CDON: variants seen among roughly 807,000 people sequenced by gnomAD.
The protein encoded by CDON is cell adhesion molecule-related/down-regulated by oncogenes.
CDON carries 73 observed loss-of-function variants against 120.9 expected under a neutral mutation model. The ratio of observed to expected loss-of-function variants is 0.60; its 90% CI spans 0.50 to 0.73. The LOEUF is 0.73. Ranked by LOEUF, CDON falls within the 30% of genes least tolerant of loss-of-function variation. The pLI, the probability that CDON is intolerant of heterozygous loss-of-function variation, is 0.00. For missense variants in CDON, 1,470 were observed against 1,587.3 expected, an observed-to-expected ratio of 0.93 and a Z score of 1.26; for synonymous variants, 566 against 573.5, an observed-to-expected ratio of 0.99 and a Z score of 0.19.
chr11:126,015,661 G>GA (rs1220606408), intron 6 of CDON, 151 bp from the exon 7 acceptor site: 3 of 814,362 alleles, frequency 3.7e-6, no homozygotes, highest in Non-Finnish European at 5.9e-6. Flanking sequence ...TGGTAATCAA[G>GA]AAAAAAATTA....
intron 16 of CDON, among the ~76,000 whole-genome samples, chr11:125,982,046 T>C (rs1315669): frequency 0.29 from 39,282 of 133,856 alleles, 5,807 homozygotes; most frequent in African/African-American, 0.38. Context: ...TGCAATGGCG[T>C]GATCTTGGCT....
At chr11:126,041,430 C>G (rs946369586) in intron 1 of CDON, among the ~76,000 whole-genome samples, 1 of 152,132 alleles carries the variant, frequency 6.6e-6, no homozygotes, top group Admixed American at 6.5e-5. Context: ...AAAACAAACA[C>G]AACAGACTCT....
At chr11:126,046,831 CTATT>C (rs992646683) in intron 1 of CDON, among the ~76,000 whole-genome samples, 10 of 152,314 alleles carry the variant, frequency 6.6e-5, no homozygotes, top group African/African-American at 1.7e-4. Context: ...CACTTCTACT[CTATT>C]TCTTTCTGTG....
rs1011678737 is a variant in CDON, at chr11:126,023,327, G to T, written c.76+74C>A. The T allele has an allele frequency of 5.4e-6, 5 of 923,064 alleles. No individual in the cohort carries two copies. In the East Asian group the frequency reaches 7.2e-5, roughly 13 times the overall value. 57.2% of individuals were successfully genotyped at this position (923,064 alleles called of 1,614,324 possible). ...GATAGCACCATTATCACAAAGCATT[G>T]AAGTACAAATTTATGTTTTATAGGA... On this transcript the variant is annotated intron_variant, in intron 2 of 19. Coordinates refer to ENST00000531738, the MANE Select transcript of CDON (RefSeq NM_001378964.1).
intron 11 of CDON, among the ~76,000 whole-genome samples, chr11:126,000,224 T>C (rs1044068858): frequency 6.7e-6 from 1 of 149,172 alleles, no homozygotes; most frequent in Non-Finnish European, 1.5e-5. Context: ...TTTAAAAAAA[T>C]AGAAACAGGA....
At chr11:126,059,342 G>A in intron 1 of CDON, among the ~76,000 whole-genome samples, 1 of 152,196 alleles carries the variant, frequency 6.6e-6, no homozygotes, top group East Asian at 1.9e-4. Context: ...CTGTAGTCCT[G>A]CTTGTAATAA....
In CDON at chr11:126,003,108, T is replaced by C. The variant is rs537435676; in HGVS notation, c.2026+794A>G. ...CCATATACTTCCTGTATCCACCCCC[T>C]AACTTATATCTCTGTTAACACCTTC... On this transcript the variant is annotated intron_variant, in intron 10 of 19. Transcript: ENST00000531738. Among the ~76,000 whole-genome samples, 3 of 152,298 alleles carry C rather than the reference T, an allele frequency of 2.0e-5. No individual in the cohort carries two copies. The South Asian group carries it at 6.2e-4, about 32-fold the overall frequency.
At chr11:125,998,063 T>G (rs1282080462) in intron 11 of CDON, among the ~76,000 whole-genome samples, 2 of 151,974 alleles carry the variant, frequency 1.3e-5, no homozygotes, top group Admixed American at 1.3e-4. Flanking sequence ...CGTGAACATG[T>G]AGAAAAGGGG....
At chr11:125,976,078 T>G (rs1292261922) in intron 18 of CDON, among the ~76,000 whole-genome samples, 2 of 152,262 alleles carry the variant, frequency 1.3e-5, no homozygotes, top group Non-Finnish European at 2.9e-5. Flanking sequence ...TTGACTATAA[T>G]TTTCTATATT....
At chr11:125,965,840 A>C (rs1317407182) in intron 18 of CDON, among the ~76,000 whole-genome samples, 2 of 152,244 alleles carry the variant, frequency 1.3e-5, no homozygotes, top group Admixed American at 6.5e-5. Flanking sequence ...TGATGTGTAC[A>C]ATTCAATAAA....
chr11:126,014,076 T>A (rs925600181), intron 7 of CDON, among the ~76,000 whole-genome samples: 10 of 152,136 alleles, frequency 6.6e-5, no homozygotes, highest in African/African-American at 2.2e-4. Context: ...TTTTAAAAAT[T>A]GTTTTCATTA....
In CDON at chr11:126,062,270, C is replaced by G. The variant is rs528502804; in HGVS notation, c.-62+309G>C. Among the ~76,000 whole-genome samples the G allele has an allele frequency of 1.5e-4, 23 of 152,252 alleles. No homozygotes were observed. The South Asian group carries it at 4.4e-3, about 29-fold the overall frequency. On this transcript the variant is annotated intron_variant, in intron 1 of 19. Coordinates refer to ENST00000531738, the MANE Select transcript of CDON (RefSeq NM_001378964.1). The stretch of plus-strand genomic sequence containing the variant: ...AAAACGCGCGGGCGCCCTAGCTCCC[C>G]GCTCTGCGGCATCTCACCTGCCCCC...
intron 1 of CDON, among the ~76,000 whole-genome samples, chr11:126,038,759 A>G (rs1181946076): frequency 1.3e-5 from 2 of 152,186 alleles, no homozygotes; most frequent in African/African-American, 2.4e-5. Flanking sequence ...AAGATGTTTC[A>G]TAACTCCACA....
chr11:125,974,356 G>A lies in CDON; in HGVS notation c.3356+3948C>T, dbSNP rs538956663. Among the ~76,000 whole-genome samples the A allele has an allele frequency of 3.7e-4, 29 of 78,160 alleles. No homozygotes were observed. The East Asian group carries it at 0.011, about 28-fold the overall frequency. 51.3% of individuals were successfully genotyped at this position (78,160 alleles called of 152,430 possible). ...GCAAACATTTGTAGGTAGGTAGGTAGGTAGGTAGGTAGGAAGGAAGGAAGG... is the reference window on the plus strand; with the variant it reads ...GCAAACATTTGTAGGTAGGTAGGTAAGTAGGTAGGTAGGAAGGAAGGAAGG... On this transcript the variant is annotated intron_variant, in intron 18 of 19. Transcript: ENST00000531738.
At chr11:125,999,237 C>A (rs1946870436) in intron 11 of CDON, among the ~76,000 whole-genome samples, 1 of 152,128 alleles carries the variant, frequency 6.6e-6, no homozygotes, top group South Asian at 2.1e-4. Context: ...CGTCTGAAAT[C>A]AAAACTCACC....
intron 1 of CDON, among the ~76,000 whole-genome samples, chr11:126,025,766 G>T (rs1202572078): frequency 6.9e-6 from 1 of 145,090 alleles, no homozygotes; most frequent in Non-Finnish European, 1.5e-5. Flanking sequence ...GACTATCCTA[G>T]GAGGTGGGAA....
chr11:126,003,758 T>G (rs1947029306), intron 10 of CDON, 144 bp downstream of exon 10: 1 of 755,424 alleles, frequency 1.3e-6, no homozygotes. Context: ...AGGCGGAGGT[T>G]GCAGTGAGCT....
At chr11:126,044,530 A>G (rs1000301408) in intron 1 of CDON, among the ~76,000 whole-genome samples, 2 of 152,260 alleles carry the variant, frequency 1.3e-5, no homozygotes, top group Non-Finnish European at 2.9e-5. Context: ...AATGTAGTAT[A>G]TACACAAAAT....
At chr11:125,989,962 T>A (rs1484011725) in intron 14 of CDON, among the ~76,000 whole-genome samples, 3 of 151,748 alleles carry the variant, frequency 2.0e-5, no homozygotes, top group Admixed American at 2.0e-4. Context: ...GAAAAAAAGG[T>A]AAAGAGAGGA....
Sources: gnomAD v4.1 joint callset for allele counts (sites outside exome capture counted in the v4.1 genomes callset) on GRCh38, gnomAD v4.1.1 for gene constraint, MANE v1.5 for transcripts, NCBI Gene and HGNC (gene_info 2026-07-23, HGNC 2026-07-21) for gene names.